PRH1: variants seen among roughly 807,000 people sequenced by gnomAD.
PRH1 encodes proline rich protein HaeIII subfamily 1, also known as salivary acidic proline-rich phosphoprotein 1/2.
A neutral mutation model predicts 7.9 loss-of-function variants in PRH1; 7 were observed. The ratio of observed to expected loss-of-function variants is 0.89; its 90% CI spans 0.50 to 1.67. PRH1 has a LOEUF of 1.67. Ranked by LOEUF, PRH1 falls within the 40% of genes most tolerant of loss-of-function variation. PRH1 has a pLI of 0.00. For missense variants in PRH1, 109 were observed against 223.6 expected, an observed-to-expected ratio of 0.49 and a Z score of 3.27; for synonymous variants, 45 against 80.8, an observed-to-expected ratio of 0.56 and a Z score of 2.38.
intron 2 of PRH1, among the ~76,000 whole-genome samples, chr12:10,922,178 C>T (rs750736871): frequency 6.6e-5 from 10 of 152,082 alleles, no homozygotes; most frequent in African/African-American, 1.9e-4. Flanking sequence ...ACTAAGTAAG[C>T]GCAAGGTACA....
intron 2 of PRH1, among the ~76,000 whole-genome samples, chr12:10,954,444 A>G (rs1937849571): frequency 6.7e-6 from 1 of 150,026 alleles, no homozygotes; most frequent in Admixed American, 6.6e-5. Flanking sequence ...AAATAGAAGC[A>G]GGGTTGCTAT....
At chr12:11,040,981 A>G (rs1211917192) in intron 1 of PRH1, among the ~76,000 whole-genome samples, 1 of 152,168 alleles carries the variant, frequency 6.6e-6, no homozygotes, top group African/African-American at 2.4e-5. Flanking sequence ...GCAAGAAACT[A>G]TATCATATCA....
intron 1 of PRH1, among the ~76,000 whole-genome samples, chr12:11,073,190 G>A (rs371740115): frequency 0.082 from 4,265 of 51,830 alleles, 350 homozygotes; most frequent in Non-Finnish European, 0.12. Context: ...AGAGTGCACT[G>A]GTGCCATCTC....
At chr12:11,001,269 A>T (rs1318243629) in intron 1 of PRH1, among the ~76,000 whole-genome samples, 1 of 152,070 alleles carries the variant, frequency 6.6e-6, no homozygotes, top group Non-Finnish European at 1.5e-5. Flanking sequence ...CCAATAAATA[A>T]ATTATAGCAC....
chr12:10,994,887 T>C (rs1940140804), intron 1 of PRH1, among the ~76,000 whole-genome samples: 3 of 152,232 alleles, frequency 2.0e-5, no homozygotes, highest in Admixed American at 1.3e-4. Flanking sequence ...AAAAGATATG[T>C]GCACTTATAC....
intron 2 of PRH1, among the ~76,000 whole-genome samples, chr12:10,968,388 T>G (rs1938617627): frequency 6.6e-6 from 1 of 152,200 alleles, no homozygotes; most frequent in Non-Finnish European, 1.5e-5. Context: ...AATTTATGAA[T>G]GTACATATTT....
chr12:10,913,909 AC>A (rs1412590829), intron 2 of PRH1, among the ~76,000 whole-genome samples: 1 of 152,214 alleles, frequency 6.6e-6, no homozygotes, highest in Non-Finnish European at 1.5e-5. Context: ...AAAACAAACA[AC>A]AAAAACTTCT....
intron 2 of PRH1, among the ~76,000 whole-genome samples, chr12:10,892,514 A>AAGGAC (rs1949589260): frequency 1.3e-5 from 2 of 152,172 alleles, no homozygotes; most frequent in African/African-American, 4.8e-5. Context: ...AAAGGATTGA[A>AAGGAC]AGTGAATAAT....
chr12:11,079,958 T>C (rs542718311), intron 1 of PRH1, among the ~76,000 whole-genome samples: 1 of 129,708 alleles, frequency 7.7e-6, no homozygotes, highest in East Asian at 2.0e-4. Context: ...CACTTAGAAA[T>C]GAGCCAAAAC....
intron 1 of PRH1, among the ~76,000 whole-genome samples, chr12:11,150,402 A>C (rs940166872): frequency 6.6e-6 from 1 of 152,178 alleles, no homozygotes; most frequent in Non-Finnish European, 1.5e-5. Flanking sequence ...TCACAATAGC[A>C]AAGACTTGGA....
intron 1 of PRH1, among the ~76,000 whole-genome samples, chr12:11,013,408 T>A (rs553268865): frequency 6.6e-6 from 1 of 152,250 alleles, no homozygotes; most frequent in East Asian, 1.9e-4. Flanking sequence ...TGCATAAAGA[T>A]AAATTTCTAT....
chr12:10,887,522 T>C (rs1443847476), upstream of PRH1, among the ~76,000 whole-genome samples: 2 of 106,034 alleles, frequency 1.9e-5, no homozygotes, highest in Non-Finnish European at 4.5e-5. Context: ...ATTTAGCATA[T>C]TTCTTTTTTT....
chr12:11,143,446 AAAG>A (rs1332343874), intron 1 of PRH1, among the ~76,000 whole-genome samples: 4 of 152,216 alleles, frequency 2.6e-5, no homozygotes, highest in East Asian at 1.9e-4. Context: ...GGAAGGAAAG[AAAG>A]AAGAGCAGAC....
At chr12:11,031,106 C>G in intron 1 of PRH1, 1 of 1,614,286 alleles carries the variant, frequency 6.2e-7, no homozygotes. Flanking sequence ...TACTTCTACA[C>G]TATAAAAAGC....
intron 1 of PRH1, among the ~76,000 whole-genome samples, chr12:11,039,503 A>T (rs1441572111): frequency 2.6e-5 from 4 of 152,240 alleles, no homozygotes; most frequent in African/African-American, 7.2e-5. Flanking sequence ...GCCAATGAAG[A>T]GTTTTTTAAA....
chr12:10,919,426 G>A lies in PRH1; in HGVS notation c.-58-35151C>T, dbSNP rs370478216. 7.2e-5 allele frequency among the ~76,000 whole-genome samples: 11 copies of A among 152,222 alleles called. No homozygotes were observed. In the East Asian group the frequency reaches 1.9e-3, roughly 27 times the overall value. On this transcript the variant is annotated intron_variant, in intron 2 of 3. Transcript: ENST00000539853. The stretch of plus-strand genomic sequence containing the variant: ...ATTTGTTGGACACCTAACTTAGGAT[G>A]GACAGATTATATTATTTTTATCAGC...
intron 1 of PRH1, among the ~76,000 whole-genome samples, chr12:11,093,662 A>G (rs1944998282): frequency 8.6e-6 from 1 of 115,690 alleles, no homozygotes; most frequent in Non-Finnish European, 2.0e-5. Context: ...TTGATATAGA[A>G]TCCTGCAGTA....
chr12:11,000,475 TAATC>T (rs1940533569), intron 1 of PRH1, among the ~76,000 whole-genome samples: 1 of 152,174 alleles, frequency 6.6e-6, no homozygotes, highest in Non-Finnish European at 1.5e-5. Flanking sequence ...CCTTTTAAAA[TAATC>T]TATCTTTTCC....
intron 1 of PRH1, among the ~76,000 whole-genome samples, chr12:11,099,568 G>A (rs1200398175): frequency 6.6e-6 from 1 of 152,108 alleles, no homozygotes. Context: ...TCAGTGGAGT[G>A]TGCCTGTAGT....
Sources: allele counts gnomAD v4.1 joint callset (sites outside exome capture counted in the v4.1 genomes callset), GRCh38; gene constraint gnomAD v4.1.1; transcripts MANE v1.5; gene names NCBI Gene and HGNC (gene_info 2026-07-23, HGNC 2026-07-21).